Variants in RPS6KC1 observed in about 807,000 individuals in gnomAD.
The protein encoded by RPS6KC1 is ribosomal protein S6 kinase C1, also known as inactive ribosomal protein S6 kinase delta-1.
RPS6KC1 carries 54 observed loss-of-function variants against 103.8 expected under a neutral mutation model. The ratio of observed to expected loss-of-function variants is 0.52; its 90% confidence interval spans 0.42 to 0.65. The LOEUF (loss-of-function observed/expected upper bound fraction) is 0.65, where lower values mean the gene tolerates loss of function less well. RPS6KC1 is among the 30% of genes least tolerant of loss of function. The pLI is 0.00. For synonymous variants in RPS6KC1, 439 were observed against 438.7 expected, an observed-to-expected ratio of 1.00 and a Z score of -0.01; for missense variants, 1,151 against 1,253.8, an observed-to-expected ratio of 0.92 and a Z score of 1.24.
the RPS6KC1 span, among the ~76,000 whole-genome samples, chr1:213,514,466 T>A: frequency 3.2e-3 from 469 of 147,772 alleles, 2 homozygotes; most frequent in African/African-American, 0.011. Context: ...CACCTATGAG[T>A]GAGAACATGT....
the RPS6KC1 span, among the ~76,000 whole-genome samples, chr1:213,814,528 T>C: frequency 1.3e-5 from 2 of 152,202 alleles, no homozygotes; most frequent in Non-Finnish European, 2.9e-5. Flanking sequence ...ATGGTTTACA[T>C]TGTGGATCCC....
intron 8 of RPS6KC1, among the ~76,000 whole-genome samples, chr1:213,200,517 A>G (rs1249067551): frequency 1.3e-5 from 2 of 152,342 alleles, no homozygotes; most frequent in South Asian, 2.1e-4. Flanking sequence ...TGTAAAATAC[A>G]AAACTATAAA....
intron 8 of RPS6KC1, among the ~76,000 whole-genome samples, chr1:213,221,678 A>G (rs2148786428): frequency 6.6e-6 from 1 of 152,258 alleles, no homozygotes; most frequent in East Asian, 1.9e-4. Context: ...TTATAGAAGT[A>G]TTTATTTACC....
intron 6 of RPS6KC1, among the ~76,000 whole-genome samples, chr1:213,149,878 C>A (rs989227590): frequency 2.0e-5 from 3 of 152,156 alleles, no homozygotes; most frequent in Non-Finnish European, 4.4e-5. Context: ...ACTGAATTGA[C>A]CCCTTTATCA....
At chr1:213,135,388 G>C (rs2086162086) in intron 6 of RPS6KC1, among the ~76,000 whole-genome samples, 1 of 152,030 alleles carries the variant, frequency 6.6e-6, no homozygotes, top group Non-Finnish European at 1.5e-5. Flanking sequence ...TGAGGTATGA[G>C]CCTTCTATCC....
At chr1:213,346,897 G>A in the RPS6KC1 span, among the ~76,000 whole-genome samples, 2,047 of 152,198 alleles carry the variant, frequency 0.013, 42 homozygotes, top group African/African-American at 0.047. Context: ...AATTTGGGCT[G>A]AATCAGATTT....
intron 8 of RPS6KC1, among the ~76,000 whole-genome samples, chr1:213,214,312 G>A (rs574250561): frequency 4.3e-4 from 65 of 152,374 alleles, no homozygotes; most frequent in African/African-American, 1.4e-3. Flanking sequence ...ACTGCAAGGC[G>A]GCAGCGAGGC....
chr1:213,616,257 G>A, the RPS6KC1 span, among the ~76,000 whole-genome samples: 1 of 152,228 alleles, frequency 6.6e-6, no homozygotes, highest in Non-Finnish European at 1.5e-5. Context: ...TGTAAATGCT[G>A]CAGATCAGGA....
At chr1:213,110,283 A>AT (rs942578954) in intron 4 of RPS6KC1, among the ~76,000 whole-genome samples, 15 of 151,178 alleles carry the variant, frequency 9.9e-5, no homozygotes, top group East Asian at 3.9e-4. Flanking sequence ...ATGTCCTGTA[A>AT]TTTTTTTTTG....
chr1:213,277,079 A>G (rs2095113969), downstream of RPS6KC1, among the ~76,000 whole-genome samples: 1 of 152,208 alleles, frequency 6.6e-6, no homozygotes, highest in Non-Finnish European at 1.5e-5. Context: ...TATGTCTACT[A>G]GGCTCATTTT....
At chr1:213,104,912 T>A (rs183209031) in intron 4 of RPS6KC1, among the ~76,000 whole-genome samples, 1 of 151,970 alleles carries the variant, frequency 6.6e-6, no homozygotes, top group African/African-American at 2.4e-5. Flanking sequence ...AAAAAATTGA[T>A]GCAAAGAGCT....
At chr1:213,793,926 A>G in the RPS6KC1 span, among the ~76,000 whole-genome samples, 4 of 152,186 alleles carry the variant, frequency 2.6e-5, no homozygotes, top group South Asian at 8.3e-4. Context: ...AATGTCTGTG[A>G]TAATAACGAA....
At chr1:213,780,383 G>A in the RPS6KC1 span, among the ~76,000 whole-genome samples, 1 of 152,200 alleles carries the variant, frequency 6.6e-6, no homozygotes, top group African/African-American at 2.4e-5. Context: ...AGCACAAGGT[G>A]GGGACAGAAG....
the RPS6KC1 span, among the ~76,000 whole-genome samples, chr1:213,559,367 C>T: frequency 9.9e-5 from 15 of 152,140 alleles, no homozygotes; most frequent in Non-Finnish European, 1.9e-4. Context: ...TGGCAGCCCT[C>T]CTGTGTTAGT....
intron 13 of RPS6KC1, 70 bp downstream of exon 13, chr1:213,261,710 C>CGGCCGAGGCGGGCGGATCACGAGGT: frequency 7.6e-7 from 1 of 1,316,170 alleles, no homozygotes; most frequent in Non-Finnish European, 1.1e-6. Context: ...AGAACATTAG[C>CGGCCGAGGCGGGCGGATCACGAGGT]CTTCACCCTT....
At chr1:213,675,067 A>C in the RPS6KC1 span, among the ~76,000 whole-genome samples, 1 of 151,980 alleles carries the variant, frequency 6.6e-6, no homozygotes, top group African/African-American at 2.4e-5. Context: ...GTTTGCAAAT[A>C]TTTTCTCTCA....
At chr1:213,146,088 CA>C (rs2087781760) in intron 6 of RPS6KC1, among the ~76,000 whole-genome samples, 3 of 102,170 alleles carry the variant, frequency 2.9e-5, no homozygotes, top group African/African-American at 9.2e-5. Flanking sequence ...CTCATGAATT[CA>C]TTTTTTTTTT....
the RPS6KC1 span, among the ~76,000 whole-genome samples, chr1:213,409,698 C>G: frequency 6.6e-6 from 1 of 152,214 alleles, no homozygotes; most frequent in African/African-American, 2.4e-5. Flanking sequence ...GTTCGGTCTG[C>G]TCAATGGCTC....
At chr1:213,201,518 A>G (rs1348983766) in intron 8 of RPS6KC1, among the ~76,000 whole-genome samples, 1 of 152,166 alleles carries the variant, frequency 6.6e-6, no homozygotes, top group African/African-American at 2.4e-5. Flanking sequence ...GTATACTAGA[A>G]TGGTGGATTG....
Sources: gnomAD v4.1 joint callset for allele counts (sites outside exome capture counted in the v4.1 genomes callset) on GRCh38, gnomAD v4.1.1 for gene constraint, MANE v1.5 for transcripts, NCBI Gene and HGNC (gene_info 2026-07-23, HGNC 2026-07-21) for gene names.